Variants in KDM4A observed in about 807,000 individuals in gnomAD.
KDM4A encodes lysine demethylase 4A.
Under a neutral mutation model 127.1 loss-of-function variants are expected in KDM4A, and 23 were observed. That is an observed-to-expected ratio of 0.18 (90% CI 0.13 to 0.26). KDM4A has a LOEUF of 0.26. KDM4A is among the 10% of genes least tolerant of loss of function. The pLI is 1.00. For missense variants in KDM4A, 890 were observed against 1,329.1 expected, an observed-to-expected ratio of 0.67 and a Z score of 5.14; for synonymous variants, 443 against 466.5, an observed-to-expected ratio of 0.95 and a Z score of 0.65.
chr1:43,657,264 G>A (rs1167763151), intron 3 of KDM4A, among the ~76,000 whole-genome samples: 2 of 151,386 alleles, frequency 1.3e-5, no homozygotes, highest in African/African-American at 2.4e-5. Context: ...GTGCAGTGGC[G>A]TGATCTCGGC....
chr1:43,654,741 T>C (rs1361311562), intron 2 of KDM4A, among the ~76,000 whole-genome samples: 1 of 83,418 alleles, frequency 1.2e-5, no homozygotes, highest in Non-Finnish European at 3.4e-5. Flanking sequence ...GTGTGTGTGT[T>C]GTTTTCTCCC....
intron 3 of KDM4A, among the ~76,000 whole-genome samples, chr1:43,658,502 A>ATTT (rs10686056): frequency 0.052 from 6,830 of 131,712 alleles, 701 homozygotes; most frequent in African/African-American, 0.18. Flanking sequence ...ACTTAGTCAG[A>ATTT]TTTTTTTTTT....
intron 12 of KDM4A, among the ~76,000 whole-genome samples, chr1:43,684,651 G>A (rs894908324): frequency 2.6e-5 from 4 of 152,226 alleles, no homozygotes; most frequent in East Asian, 1.9e-4. Flanking sequence ...TGGAGTAGGA[G>A]GAGGGGGACC....
At chr1:43,698,138 C>T in intron 19 of KDM4A, 125 bp downstream of exon 19, 1 of 859,106 alleles carries the variant, frequency 1.2e-6, no homozygotes, top group Non-Finnish European at 1.8e-6. Context: ...ACCATGTCCT[C>T]AAACAGAAAG....
intron 6 of KDM4A, 91 bp downstream of exon 6, chr1:43,665,836 A>G (rs965429941): frequency 1.7e-5 from 23 of 1,344,822 alleles, no homozygotes; most frequent in Non-Finnish European, 2.2e-5. Context: ...ATGGTCAGAT[A>G]CTTGCAGGTC....
In KDM4A at chr1:43,690,853, T is replaced by G; in HGVS notation, c.2046T>G (p.Phe682Leu). 1 of 1,614,218 alleles carries G rather than the reference T, an allele frequency of 6.2e-7. No homozygotes were observed. Among genetic ancestry groups the G allele is most frequent in the Non-Finnish European group, 8.5e-7 (1 of 1,180,034 alleles). The change falls in exon 14 of 22, where the codon TTT becomes TTG. Residue 682 changes from phenylalanine to leucine, a missense_variant. By Grantham distance (22) the Phe-to-Leu change is conservative (BLOSUM62 0). Transcript: ENST00000372396. ...MIFQTYHQVEFGGFNQNCGNA... is the reference protein window; with the variant it reads ...MIFQTYHQVELGGFNQNCGNA... ...TTGTTCTTTCCCCTTAGGTTGAATT[T>G]GGAGGCTTTAATCAGAACTGTGGAA...
chr1:43,701,072 G>A (rs1045781253), intron 19 of KDM4A, among the ~76,000 whole-genome samples: 25 of 152,020 alleles, frequency 1.6e-4, no homozygotes, highest in Middle Eastern at 3.4e-3. Context: ...ACAGGTGCAC[G>A]CCACCACGCC....
intron 3 of KDM4A, among the ~76,000 whole-genome samples, chr1:43,656,559 A>G (rs1231875124): frequency 6.6e-6 from 1 of 151,620 alleles, no homozygotes; most frequent in East Asian, 1.9e-4. Context: ...GCTGGTCTTG[A>G]ACTCCTGACC....
chr1:43,687,741 A>C (rs1203918732), intron 12 of KDM4A, among the ~76,000 whole-genome samples: 1 of 152,082 alleles, frequency 6.6e-6, no homozygotes, highest in Non-Finnish European at 1.5e-5. Flanking sequence ...TGTTTCACTG[A>C]TTTAGGAAGA....
chr1:43,670,556 A>ATTTTTTTTTTTTTTTTT (rs35331772), intron 10 of KDM4A, among the ~76,000 whole-genome samples: 1 of 76,162 alleles, frequency 1.3e-5, no homozygotes, highest in Non-Finnish European at 2.5e-5. Flanking sequence ...CGCCTGGCTA[A>ATTTTTTTTTTTTTTTTT]TTTTTTTTTT....
intron 2 of KDM4A, 65 bp downstream of exon 2, chr1:43,653,378 A>G: frequency 2.0e-6 from 3 of 1,471,532 alleles, no homozygotes; most frequent in East Asian, 2.5e-5. Flanking sequence ...TTTTTTTCCT[A>G]CATTTGGGCC....
At chr1:43,702,986 A>G (rs1365301863) in intron 19 of KDM4A, among the ~76,000 whole-genome samples, 3 of 151,772 alleles carry the variant, frequency 2.0e-5, no homozygotes, top group African/African-American at 7.2e-5. Context: ...AGCCAAGATC[A>G]GGCCACTGTA....
chr1:43,662,842 C>G, intron 4 of KDM4A, 52 bp from the exon 5 acceptor site: 4 of 1,500,198 alleles, frequency 2.7e-6, no homozygotes, highest in Non-Finnish European at 3.6e-6. Context: ...AGGTTCAGAG[C>G]CTCGGTTTCT....
chr1:43,703,288 C>T (rs1386499907), intron 19 of KDM4A: 1 of 217,786 alleles, frequency 4.6e-6, no homozygotes, highest in East Asian at 1.1e-4. Flanking sequence ...AGTATTTCTT[C>T]ATGGCAGAGC....
intron 4 of KDM4A, 116 bp downstream of exon 4, chr1:43,660,528 A>T: frequency 2.2e-6 from 3 of 1,387,068 alleles, no homozygotes; most frequent in Non-Finnish European, 2.9e-6. Context: ...GGATGAACAG[A>T]TGATCTACCC....
chr1:43,658,650 C>G (rs370152966), intron 3 of KDM4A, among the ~76,000 whole-genome samples: 4 of 151,590 alleles, frequency 2.6e-5, no homozygotes, highest in East Asian at 2.0e-4. Flanking sequence ...ACTATAGGCG[C>G]CCGCCACACC....
intron 5 of KDM4A, among the ~76,000 whole-genome samples, chr1:43,664,503 C>G (rs569568331): frequency 1.3e-5 from 2 of 152,178 alleles, no homozygotes; most frequent in South Asian, 2.1e-4. Flanking sequence ...AGTGATGAGG[C>G]CGGAGGGGAC....
intron 19 of KDM4A, 177 bp from the exon 20 acceptor site, chr1:43,703,440 T>G (rs1661458960): frequency 3.2e-6 from 2 of 620,420 alleles, no homozygotes. Context: ...AGGGCAGAGA[T>G]AGGGGCAGAC....
Position 43,704,769 on chromosome 1 carries a change from A to ATGTGTGTG in KDM4A, c.*408_*415dup, listed in dbSNP as rs141211144. The ATGTGTGTG allele has an allele frequency of 4.4e-6, 1 of 226,994 alleles. No homozygotes were observed. The highest frequency in any genetic ancestry group is 1.2e-4 in the East Asian group (1 of 8,518). The allele number at this position is 226,994 out of a possible 1,614,324, so 14.1% of individuals were successfully genotyped here. A position where few individuals can be genotyped will look rare whatever the true frequency, so the allele number is the denominator to read the frequency against. ...CCCCAACCCCTACTTTTGTATTTAT[A>ATGTGTGTG]TGTGTGTGTGTGTGTGCGTGCGTGC... On this transcript the variant is annotated 3_prime_UTR_variant, in exon 22 of 22. Transcript: ENST00000372396.
Sources: allele counts gnomAD v4.1 joint callset (sites outside exome capture counted in the v4.1 genomes callset), GRCh38; gene constraint gnomAD v4.1.1; transcripts MANE v1.5; gene names NCBI Gene and HGNC (gene_info 2026-07-23, HGNC 2026-07-21).